FHIT: variants seen among roughly 807,000 people sequenced by gnomAD.
The protein encoded by FHIT is fragile histidine triad diadenosine triphosphatase.
In FHIT, 19 loss-of-function variants were observed where a neutral mutation model predicts 17.9. The ratio of observed to expected loss-of-function variants is 1.06; its 90% CI spans 0.74 to 1.56. The LOEUF is 1.56. Among genes scored for constraint, FHIT ranks in the 40% most tolerant of loss-of-function variants. FHIT has a pLI of 0.00. For missense variants in FHIT, 248 were observed against 189.2 expected (o/e 1.31, Z -1.82); for synonymous variants, 81 against 69.7 (o/e 1.16, Z -0.81).
intron 4 of FHIT, among the ~76,000 whole-genome samples, chr3:60,645,377 C>A (rs782455044): frequency 1.3e-5 from 2 of 152,174 alleles, no homozygotes; most frequent in Non-Finnish European, 1.5e-5. Flanking sequence ...GCCCTCTAAA[C>A]TTCCCAGGCT....
intron 3 of FHIT, among the ~76,000 whole-genome samples, chr3:60,836,152 A>G (rs1702534666): frequency 6.6e-6 from 1 of 152,124 alleles, no homozygotes; most frequent in South Asian, 2.1e-4. Context: ...GTCGTGGTAT[A>G]TTATTCTTTT....
intron 5 of FHIT, among the ~76,000 whole-genome samples, chr3:60,521,288 C>T (rs377746453): frequency 3.3e-5 from 5 of 152,084 alleles, no homozygotes; most frequent in African/African-American, 9.7e-5. Flanking sequence ...TGCTCTGTCT[C>T]CCAGGCTGGA....
chr3:60,569,756 T>TATATATATATATA (rs1491532042), intron 4 of FHIT, among the ~76,000 whole-genome samples: 60 of 28,654 alleles, frequency 2.1e-3, no homozygotes, highest in South Asian at 2.9e-3. Context: ...TATATATATA[T>TATATATATATATA]TTTTTTTTTT....
chr3:60,519,505 T>C (rs966823122), intron 5 of FHIT, among the ~76,000 whole-genome samples: 1 of 152,220 alleles, frequency 6.6e-6, no homozygotes, highest in African/African-American at 2.4e-5. Context: ...TATTGTTGAC[T>C]GGAAGCCTTA....
chr3:60,682,817 C>A (rs1403255844), intron 4 of FHIT, among the ~76,000 whole-genome samples: 1 of 152,156 alleles, frequency 6.6e-6, no homozygotes, highest in Non-Finnish European at 1.5e-5. Context: ...TCAGATTGAT[C>A]TGGGCAAAGT....
intron 5 of FHIT, among the ~76,000 whole-genome samples, chr3:60,501,460 A>G (rs193240128): frequency 1.4e-4 from 21 of 152,306 alleles, no homozygotes; most frequent in African/African-American, 4.6e-4. Context: ...TCCAATTATG[A>G]CTAACCGATG....
intron 2 of FHIT, among the ~76,000 whole-genome samples, chr3:61,196,596 A>C (rs1474884484): frequency 1.3e-5 from 2 of 152,194 alleles, no homozygotes; most frequent in Non-Finnish European, 2.9e-5. Context: ...GTTCCTTTGT[A>C]CAATCAAGGT....
intron 3 of FHIT, among the ~76,000 whole-genome samples, chr3:61,012,550 A>G (rs2031852960): frequency 6.6e-6 from 1 of 152,100 alleles, no homozygotes; most frequent in South Asian, 2.1e-4. Context: ...AAACTGAAAA[A>G]TTGGGATTGT....
intron 8 of FHIT, among the ~76,000 whole-genome samples, chr3:59,811,674 C>A (rs2171077): frequency 0.011 from 1,710 of 152,150 alleles, 40 homozygotes; most frequent in African/African-American, 0.039. Context: ...TTGCTCACAG[C>A]GCTAGTAATT....
At chr3:60,544,290 T>C (rs183865740) in intron 4 of FHIT, among the ~76,000 whole-genome samples, 36 of 152,042 alleles carry the variant, frequency 2.4e-4, no homozygotes, top group African/African-American at 7.2e-4. Context: ...AGGTTTTTAA[T>C]ATGAAGCCTT....
chr3:59,899,867 G>T (rs529800837), intron 8 of FHIT, among the ~76,000 whole-genome samples: 1 of 152,024 alleles, frequency 6.6e-6, no homozygotes, highest in Non-Finnish European at 1.5e-5. Flanking sequence ...ACAAAAAAAA[G>T]AATCAGCTAT....
intron 8 of FHIT, 73 bp from the exon 9 acceptor site, chr3:59,752,394 G>C: frequency 8.5e-7 from 1 of 1,183,122 alleles, no homozygotes; most frequent in South Asian, 1.4e-5. Flanking sequence ...TCGGGGGGCT[G>C]GGGGAGACTG....
chr3:61,090,542 A>G (rs2035448775), intron 2 of FHIT, among the ~76,000 whole-genome samples: 2 of 152,208 alleles, frequency 1.3e-5, no homozygotes, highest in Admixed American at 1.3e-4. Context: ...CAAATTCACC[A>G]CGGAGTCAAT....
chr3:60,597,867 G>T (rs181042321), intron 4 of FHIT, among the ~76,000 whole-genome samples: 16 of 152,246 alleles, frequency 1.1e-4, no homozygotes, highest in African/African-American at 3.9e-4. Flanking sequence ...ATTGAGCCAG[G>T]ACTCTCTGTC....
intron 5 of FHIT, among the ~76,000 whole-genome samples, chr3:60,433,269 T>C (rs536162762): frequency 2.6e-5 from 4 of 152,194 alleles, no homozygotes; most frequent in Middle Eastern, 3.4e-3. Flanking sequence ...TATATATATA[T>C]GTGGGGGGTG....
At chr3:60,894,924 T>G (rs1285943981) in intron 3 of FHIT, among the ~76,000 whole-genome samples, 3 of 152,174 alleles carry the variant, frequency 2.0e-5, no homozygotes, top group African/African-American at 4.8e-5. Context: ...TAAAAGCTTC[T>G]AGGAATTACA....
intron 3 of FHIT, among the ~76,000 whole-genome samples, chr3:60,869,399 G>A (rs1704304016): frequency 6.6e-6 from 1 of 152,174 alleles, no homozygotes; most frequent in South Asian, 2.1e-4. Flanking sequence ...CCGGGAACCA[G>A]AAGGTGGGCA....
At chr3:60,342,408 T>A (rs1394590347) in intron 5 of FHIT, among the ~76,000 whole-genome samples, 1 of 152,200 alleles carries the variant, frequency 6.6e-6, no homozygotes, top group African/African-American at 2.4e-5. Flanking sequence ...TGTTTTGTGT[T>A]TGGACACCAA....
intron 8 of FHIT, among the ~76,000 whole-genome samples, chr3:59,904,911 T>C (rs1417793588): frequency 1.3e-5 from 2 of 152,286 alleles, no homozygotes. Flanking sequence ...AAGACACCAC[T>C]CAAAGGTGGG....
Sources: allele counts gnomAD v4.1 joint callset (sites outside exome capture counted in the v4.1 genomes callset), GRCh38; gene constraint gnomAD v4.1.1; transcripts MANE v1.5; gene names NCBI Gene and HGNC (gene_info 2026-07-23, HGNC 2026-07-21).